The following ABCA9 variants were observed in gnomAD, a reference collection of about 807,000 sequenced individuals.
The protein encoded by ABCA9 is ATP-binding cassette sub-family A member 9.
ABCA9 carries 183 observed loss-of-function variants against 205.3 expected under a neutral mutation model. The ratio of observed to expected loss-of-function variants is 0.89; its 90% CI spans 0.79 to 1.01. The LOEUF (loss-of-function observed/expected upper bound fraction) is 1.01, where lower values mean the gene tolerates loss of function less well. ABCA9 is among the 50% of genes least tolerant of loss of function. The probability of loss-of-function intolerance (pLI) is 0.00; values close to 1 mark genes in which losing one functional copy is unlikely to be tolerated. For synonymous variants in ABCA9, 651 were observed against 683.3 expected (o/e 0.95, Z 0.74); for missense variants, 1,805 against 1,912.4 (o/e 0.94, Z 1.05).
chr17:69,035,614 G>C (rs750239653), intron 7 of ABCA9, 46 bp downstream of exon 7: 1 of 1,600,448 alleles, frequency 6.2e-7, no homozygotes, highest in East Asian at 2.2e-5. Flanking sequence ...TGGCAGTAGA[G>C]AGAGAGAAAG....
intron 16 of ABCA9, among the ~76,000 whole-genome samples, chr17:69,025,745 T>C (rs1680010370): frequency 6.6e-6 from 1 of 152,160 alleles, no homozygotes; most frequent in African/African-American, 2.4e-5. Context: ...ACCTGTAATT[T>C]TGAAACAAAG....
intron 21 of ABCA9, among the ~76,000 whole-genome samples, chr17:69,016,841 C>T: frequency 6.6e-6 from 1 of 151,744 alleles, no homozygotes; most frequent in East Asian, 1.9e-4. Context: ...TGTAAAGTCT[C>T]CCTTAAAATA....
the ABCA9 span, among the ~76,000 whole-genome samples, chr17:69,069,873 TGTTG>T: frequency 2.0e-5 from 3 of 152,154 alleles, no homozygotes; most frequent in Admixed American, 2.0e-4. Flanking sequence ...CTATATCTGA[TGTTG>T]GTTATTCGGT....
At chr17:68,997,784 C>A (rs183055829) in intron 25 of ABCA9, among the ~76,000 whole-genome samples, 28 of 152,200 alleles carry the variant, frequency 1.8e-4, no homozygotes, top group Non-Finnish European at 8.8e-5. Context: ...AATTGATGAG[C>A]CTTATTGACA....
chr17:69,052,089 G>A lies in ABCA9; in HGVS notation c.-13-950C>T, dbSNP rs569775080. Among the ~76,000 whole-genome samples, 29 of 152,254 alleles carry A rather than the reference G, an allele frequency of 1.9e-4. 1 individual carries two copies. Among genetic ancestry groups the A allele is most frequent in the Middle Eastern group, 6.8e-3 (2 of 294 alleles). ...GTCCAGCTACCAAGAAAAAATTACA[G>A]GCTGCATAAGGTGGCTCATGCCTGT... On this transcript the variant is annotated intron_variant, in intron 1 of 38. Coordinates refer to ENST00000340001, the MANE Select transcript of ABCA9 (RefSeq NM_080283.4).
chr17:69,012,001 G>A lies in ABCA9; in HGVS notation c.3122C>T (p.Ala1041Val). 4 of 1,612,444 alleles carry A rather than the reference G, an allele frequency of 2.5e-6. No homozygotes were observed. The highest frequency in any genetic ancestry group is 3.4e-6 in the Non-Finnish European group (4 of 1,179,178). ...TTTGTAGTCACCAATGCTGCTCATT[G>A]CAATGTATGGAGTGAAAGAGGCTGC... ...PMAASFTPYI[A>V]MSSIGDYKKK... Residue 1041 changes from alanine to valine, a missense_variant, in exon 23 of 39, where the codon GCA becomes GTA. By Grantham distance (64) the Ala-to-Val change is moderately conservative. Transcript: ENST00000340001.
Position 68,989,256 on chromosome 17 carries a change from T to TCACACA in ABCA9, c.3956-144_3956-139dup, listed in dbSNP as rs71293542. ...TTTCCCTTATTCCTCTCTCTCTCTC[T>TCACACA]CACACACACACACACACACACACAC... On this transcript the variant is annotated intron_variant, in intron 30 of 38. Coordinates refer to ENST00000340001, the MANE Select transcript of ABCA9 (RefSeq NM_080283.4). 1.3e-3 allele frequency: 304 copies of TCACACA among 242,920 alleles called. 1 individual carries two copies. The highest frequency in any genetic ancestry group is 3.6e-3 in the East Asian group (56 of 15,388). 15.0% of individuals were successfully genotyped at this position (242,920 alleles called of 1,614,324 possible).
chr17:69,039,432 C>T (rs562281208), intron 6 of ABCA9, among the ~76,000 whole-genome samples: 4 of 152,140 alleles, frequency 2.6e-5, no homozygotes, highest in South Asian at 2.1e-4. Flanking sequence ...CTTTGACAAA[C>T]GTGACAATAA....
chr17:69,017,532 TA>T, intron 21 of ABCA9, 123 bp downstream of exon 21: 2 of 1,053,170 alleles, frequency 1.9e-6, no homozygotes, highest in Non-Finnish European at 1.4e-6. Flanking sequence ...GCTTCTTCTA[TA>T]AAAATGAGAA....
rs772001567 is a variant in ABCA9 at position 69,017,725 on chromosome 17, G to C, written c.2832C>G (p.Ala944=). 1.2e-6 allele frequency: 2 copies of C among 1,613,406 alleles called. No homozygotes were observed. The highest frequency in any genetic ancestry group is 1.7e-6 in the Non-Finnish European group (2 of 1,179,524). The change falls in exon 21 of 39, where the codon GCC becomes GCG. Residue 944 remains alanine, a synonymous_variant. Transcript: ENST00000340001. ...CATCTGTGCCATTTCTAGTTCCAAA[G>C]GCATCCACTTCTATAGCTATGTTCT... The part of the protein sequence containing the change: ...RRQNIAIEVD[A]FGTRNGTDDP...
At chr17:69,024,635 G>A (rs2070923655) in intron 16 of ABCA9, among the ~76,000 whole-genome samples, 1 of 152,260 alleles carries the variant, frequency 6.6e-6, no homozygotes, top group East Asian at 1.9e-4. Flanking sequence ...TGCCTGGGGT[G>A]AGGTAAAGGG....
chr17:68,999,113 TTTATC>T (rs1417511924), intron 25 of ABCA9, among the ~76,000 whole-genome samples: 2 of 149,996 alleles, frequency 1.3e-5, no homozygotes, highest in Admixed American at 1.3e-4. Flanking sequence ...CTGATATTGG[TTTATC>T]TTTTTATTAT....
intron 1 of ABCA9, among the ~76,000 whole-genome samples, chr17:69,053,534 C>T (rs1003400938): frequency 5.9e-5 from 9 of 151,924 alleles, no homozygotes; most frequent in African/African-American, 2.2e-4. Context: ...AAATAAATGC[C>T]TAATATTAAA....
At chr17:68,991,091 T>C in intron 28 of ABCA9, 134 bp from the exon 29 acceptor site, 1 of 994,906 alleles carries the variant, frequency 1.0e-6, no homozygotes, top group Non-Finnish European at 1.4e-6. Flanking sequence ...TTCTTCTACT[T>C]GCACCATCCG....
intron 8 of ABCA9, chr17:69,034,653 T>C (rs2071275640): frequency 6.6e-6 from 1 of 152,162 alleles, no homozygotes; most frequent in Non-Finnish European, 1.5e-5. Flanking sequence ...TAGGACTTTT[T>C]TGGGCTTAGA....
At chr17:69,063,770 C>T (rs1370946342), upstream of ABCA9, among the ~76,000 whole-genome samples, 2 of 152,174 alleles carry the variant, frequency 1.3e-5, no homozygotes, top group South Asian at 2.1e-4. Context: ...GACAGGGTTT[C>T]ACCATGTTAG....
intron 28 of ABCA9, among the ~76,000 whole-genome samples, chr17:68,991,548 G>A (rs1340597538): frequency 6.6e-6 from 1 of 152,112 alleles, no homozygotes; most frequent in Non-Finnish European, 1.5e-5. Flanking sequence ...GCCACGCTCT[G>A]ACATTCTGGT....
chr17:69,017,890 G>A (rs778784213), intron 20 of ABCA9, 101 bp from the exon 21 acceptor site: 2 of 1,339,356 alleles, frequency 1.5e-6, no homozygotes, highest in Non-Finnish European at 2.1e-6. Flanking sequence ...CACACAAAAG[G>A]ACTGTCTAAG....
intron 17 of ABCA9, chr17:69,022,146 TA>T (rs2070833248): frequency 6.3e-6 from 1 of 157,518 alleles, no homozygotes; most frequent in East Asian, 1.8e-4. Flanking sequence ...TTTGTTATAT[TA>T]CAGGGAGTGT....
Sources: allele counts gnomAD v4.1 joint callset (sites outside exome capture counted in the v4.1 genomes callset), GRCh38; gene constraint gnomAD v4.1.1; transcripts MANE v1.5; gene names NCBI Gene and HGNC (gene_info 2026-07-23, HGNC 2026-07-21).